Variants in CLEC16A observed in about 807,000 individuals in gnomAD.
CLEC16A encodes C-type lectin domain containing 16A, also known as protein CLEC16A.
CLEC16A carries 51 observed loss-of-function variants against 109.5 expected under a neutral mutation model. The observed-to-expected ratio is 0.47, with a 90% CI of 0.37 to 0.59. The LOEUF (loss-of-function observed/expected upper bound fraction) is 0.59. Among genes scored for constraint, CLEC16A ranks in the 20% least tolerant of loss-of-function variants. The probability of loss-of-function intolerance (pLI) is 0.00; values close to 1 mark genes in which losing one functional copy is unlikely to be tolerated. For synonymous variants in CLEC16A, 673 were observed against 564.2 expected (o/e 1.19, Z -2.73); for missense variants, 1,339 against 1,394.0 (o/e 0.96, Z 0.63).
intron 9 of CLEC16A, 89 bp downstream of exon 9, chr16:10,979,471 C>T (rs2043201751): frequency 8.8e-7 from 1 of 1,135,594 alleles, no homozygotes; most frequent in Non-Finnish European, 1.3e-6. Context: ...GCCTTATCAC[C>T]CCATCTTCTC....
chr16:11,114,507 C>G (rs535053359), intron 19 of CLEC16A, among the ~76,000 whole-genome samples: 4 of 152,134 alleles, frequency 2.6e-5, no homozygotes, highest in East Asian at 1.9e-4. Context: ...CGTCTGCCAC[C>G]AAGTCCTTCC....
intron 19 of CLEC16A, among the ~76,000 whole-genome samples, chr16:11,110,039 A>G (rs1489929626): frequency 1.3e-5 from 2 of 152,242 alleles, no homozygotes; most frequent in East Asian, 1.9e-4. Flanking sequence ...ATTAAAATAC[A>G]GCAAAAGTCA....
intron 22 of CLEC16A, among the ~76,000 whole-genome samples, chr16:11,145,024 G>A (rs1344261631): frequency 2.0e-5 from 3 of 152,192 alleles, no homozygotes; most frequent in South Asian, 2.1e-4. Context: ...TTCACGTGGT[G>A]CATCCCGGCA....
intron 22 of CLEC16A, among the ~76,000 whole-genome samples, chr16:11,129,973 A>T (rs2053092097): frequency 6.6e-6 from 1 of 152,112 alleles, no homozygotes; most frequent in African/African-American, 2.4e-5. Context: ...CGTGTTAGCC[A>T]GGATGGTCTC....
At chr16:10,984,501 A>G (rs2043509167) in intron 10 of CLEC16A, among the ~76,000 whole-genome samples, 1 of 152,200 alleles carries the variant, frequency 6.6e-6, no homozygotes, top group African/African-American at 2.4e-5. Flanking sequence ...TTTACAGTAC[A>G]GTAGAGAGGT....
In CLEC16A at chr16:11,042,034, A is replaced by G. The variant is rs551833619; in HGVS notation, c.1661-220A>G. 30 of 519,600 alleles carry G rather than the reference A, an allele frequency of 5.8e-5. No individual in the cohort carries two copies. In the South Asian group the frequency reaches 7.4e-4, roughly 13 times the overall value. 32.2% of individuals were successfully genotyped at this position (519,600 alleles called of 1,614,324 possible). A position where few individuals can be genotyped will look rare whatever the true frequency, so the allele number is the denominator to read the frequency against. ...CCTGTCAGTAAAGGGACTTCAGGGAAGTATTTGGTATAGGTAGTTTTGATG... is the reference window on the plus strand; with the variant it reads ...CCTGTCAGTAAAGGGACTTCAGGGAGGTATTTGGTATAGGTAGTTTTGATG... On this transcript the variant is annotated intron_variant, in intron 14 of 23. Transcript: ENST00000409790.
intron 19 of CLEC16A, among the ~76,000 whole-genome samples, chr16:11,119,527 A>T (rs897551631): frequency 2.6e-5 from 4 of 152,246 alleles, no homozygotes; most frequent in African/African-American, 9.6e-5. Flanking sequence ...AGTGGCTGAG[A>T]CTACAGGTGT....
At chr16:11,099,039 G>T (rs1430416178) in intron 19 of CLEC16A, among the ~76,000 whole-genome samples, 1 of 152,260 alleles carries the variant, frequency 6.6e-6, no homozygotes, top group African/African-American at 2.4e-5. Flanking sequence ...TGGGCTTTCT[G>T]TGTGCTCTGC....
chr16:11,155,604 G>C (rs1451069886), intron 22 of CLEC16A, among the ~76,000 whole-genome samples: 2 of 152,258 alleles, frequency 1.3e-5, no homozygotes, highest in African/African-American at 4.8e-5. Flanking sequence ...CGGCCTTTCT[G>C]TGGCTCCGCA....
intron 1 of CLEC16A, 56 bp downstream of exon 1, chr16:10,944,853 C>T: frequency 6.7e-7 from 1 of 1,483,076 alleles, no homozygotes; most frequent in Non-Finnish European, 9.2e-7. Context: ...GACGGGGCGC[C>T]GAGCTCCGGG....
At position 11,110,158 on chromosome 16, in the gene CLEC16A, C is replaced by T. The variant is rs868387472; in HGVS notation, c.2117-10457C>T. On this transcript the variant is annotated intron_variant, in intron 19 of 23. Coordinates refer to ENST00000409790, the MANE Select transcript of CLEC16A (RefSeq NM_015226.3). ...AACAGTTGATTGAGCAGTCCCTGGC[C>T]TCCAAGTGGGAGCACCAAAAGACAT... Among the ~76,000 whole-genome samples the T allele has an allele frequency of 2.6e-5, 4 of 152,346 alleles. No homozygotes were observed. The South Asian group carries it at 8.3e-4, about 32-fold the overall frequency.
chr16:10,993,605 G>A (rs1437978719), intron 10 of CLEC16A, among the ~76,000 whole-genome samples: 1 of 152,214 alleles, frequency 6.6e-6, no homozygotes, highest in African/African-American at 2.4e-5. Flanking sequence ...AGTTTGGCAT[G>A]AGATGTCAGG....
At chr16:11,109,359 GC>G (rs1003325675) in intron 19 of CLEC16A, among the ~76,000 whole-genome samples, 1 of 152,012 alleles carries the variant, frequency 6.6e-6, no homozygotes, top group South Asian at 2.1e-4. Flanking sequence ...TTGCTATGTT[GC>G]CCAGTCTGGT....
At chr16:11,005,085 T>G (rs1220026622) in intron 11 of CLEC16A, among the ~76,000 whole-genome samples, 1 of 152,230 alleles carries the variant, frequency 6.6e-6, no homozygotes, top group African/African-American at 2.4e-5. Flanking sequence ...GATTTTGTTT[T>G]GGAAAGATGC....
rs1390895822 is a variant in CLEC16A at position 11,166,565 on chromosome 16, T to G, written c.2806+13T>G. 1.9e-6 allele frequency: 3 copies of G among 1,573,696 alleles called. No individual in the cohort carries two copies. On this transcript the variant is annotated intron_variant, in intron 23 of 23. Coordinates refer to ENST00000409790, the MANE Select transcript of CLEC16A (RefSeq NM_015226.3). ...CAGAGTCCAGCAGGTATTGGCCACG[T>G]GACTCAGTGATATGGGGACATTTGG...
At chr16:11,156,617 C>T (rs1244899607) in intron 22 of CLEC16A, 14 of 1,304,184 alleles carry the variant, frequency 1.1e-5, no homozygotes, top group East Asian at 5.5e-5. Context: ...GATGGCCGCT[C>T]CCAAGCTTGC....
chr16:11,062,272 G>T (rs1244712665), intron 19 of CLEC16A, among the ~76,000 whole-genome samples: 1 of 152,122 alleles, frequency 6.6e-6, no homozygotes, highest in Non-Finnish European at 1.5e-5. Context: ...ACTCTCTGTA[G>T]CACTGTTGTT....
At chr16:11,143,455 A>T (rs1395003573) in intron 22 of CLEC16A, among the ~76,000 whole-genome samples, 1 of 152,200 alleles carries the variant, frequency 6.6e-6, no homozygotes, top group Non-Finnish European at 1.5e-5. Flanking sequence ...GCTGGGTGGG[A>T]AAGCCACAGC....
intron 10 of CLEC16A, among the ~76,000 whole-genome samples, chr16:11,002,501 T>C (rs565629822): frequency 6.6e-6 from 1 of 152,246 alleles, no homozygotes; most frequent in South Asian, 2.1e-4. Context: ...TATTAAAATA[T>C]GTTTTTATTG....
Sources: allele counts gnomAD v4.1 joint callset (sites outside exome capture counted in the v4.1 genomes callset), GRCh38; gene constraint gnomAD v4.1.1; transcripts MANE v1.5; gene names NCBI Gene and HGNC (gene_info 2026-07-23, HGNC 2026-07-21).